Variants in MFHAS1 observed in about 807,000 individuals in gnomAD.
MFHAS1 encodes the protein malignant fibrous histiocytoma-amplified sequence 1.
MFHAS1 carries 50 observed loss-of-function variants against 70.4 expected under a neutral mutation model. The observed-to-expected ratio is 0.71, with a 90% CI of 0.57 to 0.90. MFHAS1 has a LOEUF of 0.90. Ranked by LOEUF, MFHAS1 falls within the 40% of genes least tolerant of loss-of-function variation. MFHAS1 has a pLI of 0.00. For synonymous variants in MFHAS1, 952 were observed against 620.0 expected, an observed-to-expected ratio of 1.54 and a Z score of -7.96; for missense variants, 1,795 against 1,347.6, an observed-to-expected ratio of 1.33 and a Z score of -5.20.
chr8:8,821,710 C>T (rs886864824), intron 1 of MFHAS1: 4 of 152,228 alleles, frequency 2.6e-5, no homozygotes, highest in Non-Finnish European at 5.9e-5. Context: ...GCAGATACTA[C>T]GCAGGTTTTC....
intron 1 of MFHAS1, among the ~76,000 whole-genome samples, chr8:8,826,819 C>T (rs959713860): frequency 1.3e-5 from 2 of 152,116 alleles, no homozygotes; most frequent in Admixed American, 6.6e-5. Context: ...TTTTTTCCAT[C>T]AGAAATGCAG....
chr8:8,798,053 C>T (rs1231512222), intron 1 of MFHAS1, among the ~76,000 whole-genome samples: 3 of 152,182 alleles, frequency 2.0e-5, no homozygotes, highest in Admixed American at 1.3e-4. Context: ...AGCAGATGCA[C>T]GACACAACAC....
At chr8:8,796,691 A>C (rs1322810917) in intron 2 of MFHAS1, among the ~76,000 whole-genome samples, 1 of 134,510 alleles carries the variant, frequency 7.4e-6, no homozygotes, top group African/African-American at 2.8e-5. Flanking sequence ...CTCAAAACAA[A>C]AAAAAAAAAA....
chr8:8,853,985 C>T (rs1176478615), intron 1 of MFHAS1, among the ~76,000 whole-genome samples: 2 of 152,170 alleles, frequency 1.3e-5, no homozygotes, highest in African/African-American at 4.8e-5. Context: ...AGACACCAAC[C>T]AACTCCATGA....
chr8:8,866,300 A>G (rs73509109), intron 1 of MFHAS1, among the ~76,000 whole-genome samples: 13,029 of 151,336 alleles, frequency 0.086, 1,210 homozygotes, highest in African/African-American at 0.21. Flanking sequence ...GCAACTTAGC[A>G]AGGATCACTT....
intron 2 of MFHAS1, among the ~76,000 whole-genome samples, chr8:8,796,368 C>T (rs1805894405): frequency 6.6e-6 from 1 of 152,180 alleles, no homozygotes; most frequent in African/African-American, 2.4e-5. Flanking sequence ...GATGTGAGAG[C>T]CAACTTCATT....
chr8:8,810,148 C>G (rs1034618072), intron 1 of MFHAS1, among the ~76,000 whole-genome samples: 4 of 152,182 alleles, frequency 2.6e-5, no homozygotes, highest in African/African-American at 9.7e-5. Context: ...GGGCAGATTG[C>G]TTGAGACCAG....
At chr8:8,871,808 T>G (rs940622661) in intron 1 of MFHAS1, among the ~76,000 whole-genome samples, 1 of 152,194 alleles carries the variant, frequency 6.6e-6, no homozygotes, top group South Asian at 2.1e-4. Context: ...ATTCAAGAAG[T>G]GCCTGGGAGA....
At chr8:8,817,687 A>G (rs537364522) in intron 1 of MFHAS1, among the ~76,000 whole-genome samples, 1 of 152,190 alleles carries the variant, frequency 6.6e-6, no homozygotes, top group Non-Finnish European at 1.5e-5. Context: ...GTGGAAGATG[A>G]TTTTTCCAGG....
chr8:8,820,455 G>C (rs922436632), intron 1 of MFHAS1, among the ~76,000 whole-genome samples: 2 of 152,160 alleles, frequency 1.3e-5, no homozygotes, highest in African/African-American at 4.8e-5. Context: ...TCAGGTTAGC[G>C]TGAGAATGGT....
chr8:8,891,130 C>A lies in MFHAS1; in HGVS notation c.1929G>T (p.Leu643=), dbSNP rs1460361248. 6.2e-7 allele frequency: 1 copy of A among 1,613,830 alleles called. No homozygotes were observed. The highest frequency in any genetic ancestry group is 1.1e-5 in the South Asian group (1 of 91,082). Residue 643 remains leucine, a synonymous_variant, in exon 1 of 3, where the codon CTG becomes CTT. Transcript: ENST00000276282. The surrounding 1 kb of genome is among the most constrained non-coding windows in gnomAD (Gnocchi z 5.4). ...AGATCTCTCGGTGCTCAGCAACTGA[C>A]AGCAACTTGTCCCGAAGGCGTCGTA... The part of the protein sequence containing the change: ...RHLRRLRDKL[L]SVAEHREIFP...
chr8:8,891,046 G>A lies in MFHAS1; in HGVS notation c.2013C>T (p.Phe671=). 2 of 1,613,656 alleles carry A rather than the reference G, an allele frequency of 1.2e-6. No individual in the cohort carries two copies. The highest frequency in any genetic ancestry group is 1.7e-6 in the Non-Finnish European group (2 of 1,179,884). Residue 671 remains phenylalanine (F), a synonymous_variant, in exon 1 of 3, where the codon TTC becomes TTT. Coordinates refer to ENST00000276282, the MANE Select transcript of MFHAS1 (RefSeq NM_004225.3). The surrounding 1 kb of genome is among the most constrained non-coding windows in gnomAD (Gnocchi z 5.4). ...RSWQVLEELH[F]QPPQAQRLWL... ...ACAGTCGCTGGGCCTGAGGTGGCTG[G>A]AAATGCAGTTCCTCCAGCACCTGCC...
At chr8:8,838,891 A>ACTTTCT (rs1397268282) in intron 1 of MFHAS1, among the ~76,000 whole-genome samples, 3 of 152,082 alleles carry the variant, frequency 2.0e-5, no homozygotes, top group Non-Finnish European at 4.4e-5. Context: ...ATTTTAAAGG[A>ACTTTCT]CTTTCTCTTT....
chr8:8,788,809 G>A (rs930475304), intron 2 of MFHAS1, among the ~76,000 whole-genome samples: 1 of 152,198 alleles, frequency 6.6e-6, no homozygotes, highest in African/African-American at 2.4e-5. Flanking sequence ...GGCCTTAACT[G>A]GGTAGGAGAG....
chr8:8,825,907 G>C (rs1022527447), intron 1 of MFHAS1, among the ~76,000 whole-genome samples: 1 of 152,136 alleles, frequency 6.6e-6, no homozygotes, highest in African/African-American at 2.4e-5. Flanking sequence ...AACTGGAGGA[G>C]GCTCAGAGGT....
At chr8:8,844,025 T>C (rs1807938283) in intron 1 of MFHAS1, among the ~76,000 whole-genome samples, 1 of 152,232 alleles carries the variant, frequency 6.6e-6, no homozygotes, top group Non-Finnish European at 1.5e-5. Flanking sequence ...ATGGGTGTCA[T>C]GCTGAAAGGC....
At chr8:8,840,570 G>T (rs571427578) in intron 1 of MFHAS1, among the ~76,000 whole-genome samples, 1 of 151,856 alleles carries the variant, frequency 6.6e-6, no homozygotes, top group Non-Finnish European at 1.5e-5. Context: ...GACCCGACCC[G>T]GTAATGACAT....
chr8:8,854,499 C>G (rs1444336017), intron 1 of MFHAS1, among the ~76,000 whole-genome samples: 1 of 145,910 alleles, frequency 6.9e-6, no homozygotes, highest in Non-Finnish European at 1.5e-5. Context: ...CCAGCCTGGG[C>G]AACAGAGCGA....
At chr8:8,879,161 C>G (rs1049834096) in intron 1 of MFHAS1, among the ~76,000 whole-genome samples, 1 of 152,008 alleles carries the variant, frequency 6.6e-6, no homozygotes, top group Non-Finnish European at 1.5e-5. Context: ...CCAGGCTGGC[C>G]AACACGATGA....
Sources: gnomAD v4.1 joint callset for allele counts (sites outside exome capture counted in the v4.1 genomes callset) on GRCh38, gnomAD v4.1.1 for gene constraint, Gnocchi (gnomAD v3.1) non-coding constraint, MANE v1.5 for transcripts, NCBI Gene and HGNC (gene_info 2026-07-23, HGNC 2026-07-21) for gene names.